SLC8A2: variants seen among roughly 807,000 people sequenced by gnomAD.
SLC8A2 encodes the protein sodium/calcium exchanger 2.
SLC8A2 carries 14 observed loss-of-function variants against 70.2 expected under a neutral mutation model. That is an observed-to-expected ratio of 0.20 (90% CI 0.13 to 0.31). The LOEUF is 0.31. SLC8A2 is among the 10% of genes least tolerant of loss of function. The probability of loss-of-function intolerance (pLI) is 1.00; values close to 1 mark genes in which losing one functional copy is unlikely to be tolerated. For synonymous variants in SLC8A2, 575 were observed against 594.3 expected (o/e 0.97, Z 0.47); for missense variants, 779 against 1,320.1 (o/e 0.59, Z 6.35).
intron 1 of SLC8A2, among the ~76,000 whole-genome samples, chr19:47,471,540 C>T (rs2071913613): frequency 6.6e-6 from 1 of 151,978 alleles, no homozygotes; most frequent in Non-Finnish European, 1.5e-5. Flanking sequence ...GCGGGGTGTC[C>T]TCGCCCCCCA....
intron 2 of SLC8A2, among the ~76,000 whole-genome samples, chr19:47,464,106 C>G (rs1193310808): frequency 1.3e-5 from 2 of 152,018 alleles, no homozygotes; most frequent in African/African-American, 2.4e-5. Context: ...TTATATTCTC[C>G]TTTCTTCCTT....
chr19:47,464,546 G>C (rs1359048540), intron 2 of SLC8A2, among the ~76,000 whole-genome samples: 1 of 152,076 alleles, frequency 6.6e-6, no homozygotes, highest in African/African-American at 2.4e-5. Context: ...CCTCTTTCAG[G>C]AGCCCTGTCT....
Position 47,432,324 on chromosome 19 carries a change from C to G in SLC8A2, c.2232G>C (p.Glu744Asp). The G allele has an allele frequency of 6.2e-7, 1 of 1,613,790 alleles. No homozygotes were observed. The highest frequency in any genetic ancestry group is 8.5e-7 in the Non-Finnish European group (1 of 1,180,028). ...CAAAGCAGGCCCAGCCGTGGCAGTACTCGGTGGGGGGCACACAGGCGAAGA... is the reference window on the plus strand; with the variant it reads ...CAAAGCAGGCCCAGCCGTGGCAGTAGTCGGTGGGGGGCACACAGGCGAAGA... ...KVLFACVPPT[E>D]YCHGWACFGV... is the part of the protein sequence containing the mutation. Residue 744 changes from glutamate (E) to aspartate (D), a missense_variant, in exon 9 of 10, where the codon GAG becomes GAC. Around this residue, in one of 6 missense-constraint regions of SLC8A2, gnomAD observed 108 missense variants for 269.6 expected, o/e 0.40. Transcript: ENST00000236877. The surrounding 1 kb of genome is among the most constrained non-coding windows in gnomAD (Gnocchi z 6.2).
chr19:47,432,298 C>T lies in SLC8A2; in HGVS notation c.2258G>A (p.Gly753Asp). The T allele has an allele frequency of 2.5e-6, 4 of 1,614,138 alleles. No individual in the cohort carries two copies. Among genetic ancestry groups the T allele is most frequent in the Non-Finnish European group, 3.4e-6 (4 of 1,180,012 alleles). The change falls in exon 9 of 10, where the codon GGT (glycine) becomes GAT (aspartate). Residue 753 changes from glycine (G) to aspartate (D), a missense_variant. This residue lies in a region of SLC8A2 where 108 missense variants were observed against 269.6 expected (regional missense o/e 0.40). Coordinates refer to ENST00000236877, the MANE Select transcript of SLC8A2 (RefSeq NM_015063.3). The surrounding 1 kb of genome is among the most constrained non-coding windows in gnomAD (Gnocchi z 6.2). Reference protein sequence around the residue: ...TEYCHGWACFGVSILVIGLLT... With the variant: ...TEYCHGWACFDVSILVIGLLT... Reference sequence around the variant, plus strand: ...CAGGCCGATGACCAGGATGGAGACACCAAAGCAGGCCCAGCCGTGGCAGTA... The same window carrying T: ...CAGGCCGATGACCAGGATGGAGACATCAAAGCAGGCCCAGCCGTGGCAGTA...
In SLC8A2 at chr19:47,448,705, G is replaced by A. The variant is rs1245975615; in HGVS notation, c.1341-474C>T. ...TGCAGATTCTGGTTTAGAAGCTCCC[G>A]GGTTTCTAGAATCGCATTTCTAACG... On this transcript the variant is annotated intron_variant, in intron 3 of 9. Transcript: ENST00000236877. This position sits in a 1 kb window ranked among gnomAD's most constrained non-coding sequence, Gnocchi z 4.8. Among the ~76,000 whole-genome samples, 1 of 152,112 alleles carries A rather than the reference G, an allele frequency of 6.6e-6. No individual in the cohort carries two copies. Among genetic ancestry groups the A allele is most frequent in the South Asian group, 2.1e-4 (1 of 4,824 alleles).
chr19:47,441,939 T>C (rs1967104923), intron 4 of SLC8A2, among the ~76,000 whole-genome samples: 2 of 152,094 alleles, frequency 1.3e-5, no homozygotes, highest in South Asian at 4.1e-4. Flanking sequence ...CTGTCTCTAC[T>C]AAAAATACAA....
intron 3 of SLC8A2, among the ~76,000 whole-genome samples, chr19:47,453,856 C>T (rs774335111): frequency 1.3e-5 from 2 of 151,964 alleles, no homozygotes; most frequent in South Asian, 2.1e-4. Context: ...GCTTGGGAGG[C>T]GGAGGCTGCA....
Position 47,432,116 on chromosome 19 carries a change from C to T in SLC8A2, c.2389+51G>A. ...ATTTTGGCAGGATCCTGTGTTGCCCCTGCCTGGCTCATCTGAGATCCTACC... is the reference window on the plus strand; with the variant it reads ...ATTTTGGCAGGATCCTGTGTTGCCCTTGCCTGGCTCATCTGAGATCCTACC... On this transcript the variant is annotated intron_variant, in intron 9 of 9. Transcript: ENST00000236877. This position sits in a 1 kb window ranked among gnomAD's most constrained non-coding sequence, Gnocchi z 6.2. 4 of 1,529,012 alleles carry T rather than the reference C, an allele frequency of 2.6e-6. No individual in the cohort carries two copies. The highest frequency in any genetic ancestry group is 3.5e-6 in the Non-Finnish European group (4 of 1,127,534). 94.7% of individuals were successfully genotyped at this position (1,529,012 alleles called of 1,614,324 possible). A position where few individuals can be genotyped will look rare whatever the true frequency, so the allele number is the denominator to read the frequency against.
intron 9 of SLC8A2, among the ~76,000 whole-genome samples, chr19:47,431,008 G>A (rs1179304443): frequency 6.6e-6 from 1 of 151,450 alleles, no homozygotes; most frequent in African/African-American, 2.4e-5. Context: ...ACAGGTATGA[G>A]CCACCGCGCC....
Position 47,437,983 on chromosome 19 carries a change from G to A in SLC8A2, c.1886-10C>T, listed in dbSNP as rs1327869557. On this transcript the variant is annotated splice_polypyrimidine_tract_variant and intron_variant, in intron 6 of 9. Coordinates refer to ENST00000236877, the MANE Select transcript of SLC8A2 (RefSeq NM_015063.3). ...TTCCTGTCCCCATCCCCTGCAGCATGAGGGGTGGGGGTTAGACTCCTGGGA... is the reference window on the plus strand; with the variant it reads ...TTCCTGTCCCCATCCCCTGCAGCATAAGGGGTGGGGGTTAGACTCCTGGGA... 4 of 1,613,848 alleles carry A rather than the reference G, an allele frequency of 2.5e-6. No homozygotes were observed. Among genetic ancestry groups the A allele is most frequent in the Non-Finnish European group, 3.4e-6 (4 of 1,179,994 alleles).
chr19:47,463,803 G>C (rs1362780285), intron 2 of SLC8A2, among the ~76,000 whole-genome samples: 2 of 152,078 alleles, frequency 1.3e-5, no homozygotes, highest in Non-Finnish European at 2.9e-5. Flanking sequence ...CATTTACTCT[G>C]TTTCAGGCAG....
At position 47,429,667 on chromosome 19, in the gene SLC8A2, G is replaced by A. The variant is rs1966924047; in HGVS notation, c.*422C>T. On this transcript the variant is annotated 3_prime_UTR_variant, in exon 10 of 10. Coordinates refer to ENST00000236877, the MANE Select transcript of SLC8A2 (RefSeq NM_015063.3). ...CAGGGAGGGTGGGTTCTGAGGCTCTGGGACATGGGGTGAAGTGGGGGGGGG... is the reference window on the plus strand; with the variant it reads ...CAGGGAGGGTGGGTTCTGAGGCTCTAGGACATGGGGTGAAGTGGGGGGGGG... 1 of 165,792 alleles carries A rather than the reference G, an allele frequency of 6.0e-6. No individual in the cohort carries two copies. Among genetic ancestry groups the A allele is most frequent in the Non-Finnish European group, 1.2e-5 (1 of 82,626 alleles). The allele number at this position is 165,792 out of a possible 1,614,324, so 10.3% of individuals were successfully genotyped here.
Position 47,432,416 on chromosome 19 carries a change from G to A in SLC8A2, c.2140C>T (p.Arg714Trp). Residue 714 changes from arginine to tryptophan, a missense_variant, in exon 9 of 10, where the codon CGG (arginine) becomes TGG (tryptophan). By Grantham distance (101) the Arg-to-Trp change is moderately radical (BLOSUM62 -3). This residue lies in a region of SLC8A2 where 247 missense variants were observed against 362.8 expected (regional missense o/e 0.68). Coordinates refer to ENST00000236877, the MANE Select transcript of SLC8A2 (RefSeq NM_015063.3). The surrounding 1 kb of genome is among the most constrained non-coding windows in gnomAD (Gnocchi z 6.2). Reference sequence around the variant, plus strand: ...AAGCACGACGGCAGCCGCTCCTCCCGGGACCCGTCCTCCTCCTCCTCCTCG... The same window carrying A: ...AAGCACGACGGCAGCCGCTCCTCCCAGGACCCGTCCTCCTCCTCCTCCTCG... ...GDEEEEEDGS[R>W]EERLPSCFDY... 1.9e-6 allele frequency: 3 copies of A among 1,606,982 alleles called. No individual in the cohort carries two copies. Among genetic ancestry groups the A allele is most frequent in the South Asian group, 1.1e-5 (1 of 90,184 alleles).
rs749556369 is a variant in SLC8A2, at chr19:47,457,127, C to T, written c.1143G>A (p.Pro381=). Residue 381 remains proline, a synonymous_variant, in exon 3 of 10, where the codon CCG becomes CCA. Transcript: ENST00000236877. ...CTTCGTCCTCGCCCGCGCCCTCGGC[C>T]GGCGCCGCCCTGCGCGAGGCGTCCG... The part of the protein sequence containing the change: ...HAADASRRAA[P]AEGAGEDEDD... 4.5e-6 allele frequency: 7 copies of T among 1,543,000 alleles called. No homozygotes were observed. The South Asian group carries it at 4.8e-5, about 11-fold the overall frequency.
At chr19:47,443,106 T>C (rs1967118424) in intron 4 of SLC8A2, among the ~76,000 whole-genome samples, 1 of 152,266 alleles carries the variant, frequency 6.6e-6, no homozygotes, top group Non-Finnish European at 1.5e-5. Flanking sequence ...TTATGTTTTT[T>C]GTTTTATCTC....
At chr19:47,458,132 G>C (rs952760737) in intron 2 of SLC8A2, among the ~76,000 whole-genome samples, 1 of 151,892 alleles carries the variant, frequency 6.6e-6, no homozygotes, top group Non-Finnish European at 1.5e-5. Context: ...GATTACAGGC[G>C]TGAGCCCTGT....
At chr19:47,443,610 C>T (rs533176306) in intron 4 of SLC8A2, among the ~76,000 whole-genome samples, 26 of 152,348 alleles carry the variant, frequency 1.7e-4, no homozygotes, top group Non-Finnish European at 3.2e-4. Flanking sequence ...ACGACTCCCC[C>T]ACCACAGCCT....
chr19:47,431,681 CAA>C (rs1568438663), intron 9 of SLC8A2, among the ~76,000 whole-genome samples: 2 of 35,990 alleles, frequency 5.6e-5, no homozygotes, highest in Admixed American at 9.2e-4. Context: ...AAAAAAAAAA[CAA>C]AACCCAAAAA....
At position 47,448,056 on chromosome 19, in the gene SLC8A2, G is replaced by A; in HGVS notation, c.1516C>T (p.Leu506=). 1 of 1,579,318 alleles carries A rather than the reference G, an allele frequency of 6.3e-7. No individual in the cohort carries two copies. Among genetic ancestry groups the A allele is most frequent in the Non-Finnish European group, 8.6e-7 (1 of 1,162,356 alleles). ...PDGGGRPKGR[L]VAPLLATVTI... is the part of the protein sequence containing the mutation. ...ACGGTGGCCAGCAGCGGCGCCACCA[G>A]CCGCCCCTTGGGCCGCCCGCCGCCG... is the stretch of plus-strand genomic sequence containing the variant. Residue 506 remains leucine, a synonymous_variant, in exon 4 of 10, where the codon CTG becomes TTG. Coordinates refer to ENST00000236877, the MANE Select transcript of SLC8A2 (RefSeq NM_015063.3). The surrounding 1 kb of genome is among the most constrained non-coding windows in gnomAD (Gnocchi z 4.8).
Sources: gnomAD v4.1 joint callset for allele counts (sites outside exome capture counted in the v4.1 genomes callset) on GRCh38, gnomAD v4.1.1 for gene constraint, gnomAD v4.1.1 regional missense constraint, Gnocchi (gnomAD v3.1) non-coding constraint, MANE v1.5 for transcripts, NCBI Gene and HGNC (gene_info 2026-07-23, HGNC 2026-07-21) for gene names.